Variants in ZEB2 observed in about 807,000 individuals in gnomAD.
The protein encoded by ZEB2 is zinc finger E-box binding homeobox 2.
Under a neutral mutation model 99.9 loss-of-function variants are expected in ZEB2, and 6 were observed. The observed-to-expected ratio is 0.06, with a 90% confidence interval of 0.03 to 0.12. ZEB2 has a LOEUF of 0.12. Among genes scored for constraint, ZEB2 ranks in the 10% least tolerant of loss-of-function variants. The pLI is 1.00. For missense variants in ZEB2, 969 were observed against 1,502.8 expected, an observed-to-expected ratio of 0.64 and a Z score of 5.87; for synonymous variants, 517 against 542.5, an observed-to-expected ratio of 0.95 and a Z score of 0.65.
At chr2:144,415,007 T>TC (rs1461323480) in intron 4 of ZEB2, among the ~76,000 whole-genome samples, 1 of 151,566 alleles carries the variant, frequency 6.6e-6, no homozygotes, top group Non-Finnish European at 1.5e-5. Flanking sequence ...TTTTTTTCTT[T>TC]TTTTTTTTTA....
intron 2 of ZEB2, among the ~76,000 whole-genome samples, chr2:144,471,935 T>C (rs977294866): frequency 6.6e-6 from 1 of 152,132 alleles, no homozygotes; most frequent in Non-Finnish European, 1.5e-5. Flanking sequence ...CGTAAATTAT[T>C]AACAAGTCAG....
At chr2:144,510,036 A>T (rs1170250880) in intron 2 of ZEB2, among the ~76,000 whole-genome samples, 1 of 152,024 alleles carries the variant, frequency 6.6e-6, no homozygotes, top group Non-Finnish European at 1.5e-5. Context: ...ACATACTAAA[A>T]AAATCTGAAA....
At chr2:144,431,910 T>A (rs1703776654) in intron 2 of ZEB2, among the ~76,000 whole-genome samples, 1 of 149,020 alleles carries the variant, frequency 6.7e-6, no homozygotes, top group South Asian at 2.1e-4. Context: ...TAAAAACTGA[T>A]CTCTGGGCAC....
Position 144,384,251 on chromosome 2 carries a change from T to C in ZEB2, c.*5200A>G, listed in dbSNP as rs1466740331. On this transcript the variant is annotated 3_prime_UTR_variant, in exon 10 of 10. Transcript: ENST00000627532. ...ACATGTCATGCTAGATTATAGGTAG[T>C]AGGCGACTCGTTTAATAGAGAAAGT... 6.6e-6 allele frequency: 1 copy of C among 152,166 alleles called. No homozygotes were observed. The highest frequency in any genetic ancestry group is 1.9e-4 in the East Asian group (1 of 5,202). 9.4% of individuals were successfully genotyped at this position (152,166 alleles called of 1,614,324 possible). A position where few individuals can be genotyped will look rare whatever the true frequency, so the allele number is the denominator to read the frequency against.
At chr2:144,395,377 G>A (rs1393501738) in intron 9 of ZEB2, among the ~76,000 whole-genome samples, 1 of 151,728 alleles carries the variant, frequency 6.6e-6, no homozygotes, top group Non-Finnish European at 1.5e-5. Context: ...TCCCCCCAAA[G>A]TGCTAGTTTT....
intron 2 of ZEB2, among the ~76,000 whole-genome samples, chr2:144,485,459 A>T (rs1470050781): frequency 6.6e-6 from 1 of 152,168 alleles, no homozygotes; most frequent in Non-Finnish European, 1.5e-5. Flanking sequence ...GGCTAGATGA[A>T]ATATGTGTCC....
intron 2 of ZEB2, among the ~76,000 whole-genome samples, chr2:144,469,402 GAT>G (rs1704323298): frequency 6.6e-6 from 1 of 152,104 alleles, no homozygotes; most frequent in Admixed American, 6.6e-5. Flanking sequence ...ATTTTTGACT[GAT>G]ATAAATACCA....
Position 144,388,830 on chromosome 2 carries a change from G to A in ZEB2, c.*621C>T, listed in dbSNP as rs1703115461. 1 of 446,222 alleles carries A rather than the reference G, an allele frequency of 2.2e-6. No homozygotes were observed. Among genetic ancestry groups the A allele is most frequent in the Non-Finnish European group, 4.5e-6 (1 of 220,014 alleles). 27.6% of individuals were successfully genotyped at this position (446,222 alleles called of 1,614,324 possible). ...CATCTTACTTTTTCCTTCACGTCCA[G>A]GTCACTTTAAGACTTCGGTATCTTA... On this transcript the variant is annotated 3_prime_UTR_variant, in exon 10 of 10. Transcript: ENST00000627532. This position sits in a 1 kb window ranked among gnomAD's most constrained non-coding sequence, Gnocchi z 5.4.
chr2:144,432,552 C>T (rs1481303968), intron 2 of ZEB2, among the ~76,000 whole-genome samples: 2 of 152,136 alleles, frequency 1.3e-5, no homozygotes, highest in Middle Eastern at 3.2e-3. Flanking sequence ...ATGGACTTTG[C>T]ACTTCCTGAT....
chr2:144,424,926 C>G, intron 3 of ZEB2, 59 bp from the exon 4 acceptor site: 1 of 1,549,360 alleles, frequency 6.5e-7, no homozygotes, highest in Non-Finnish European at 8.9e-7. Flanking sequence ...CTATACTAAG[C>G]ATGCCAAGCA....
At chr2:144,513,276 T>C in intron 2 of ZEB2, 1 of 1,289,814 alleles carries the variant, frequency 7.8e-7, no homozygotes, top group Non-Finnish European at 1.0e-6. Flanking sequence ...GATAACCATT[T>C]CTGCTCTTCT....
Position 144,389,362 on chromosome 2 carries a change from G to A in ZEB2, c.*89C>T. The stretch of plus-strand genomic sequence containing the variant: ...ACAGCTTCCTGGAAGCGTCAGGCAC[G>A]TGCATGAACAGCTTAACACAGCAGT... On this transcript the variant is annotated 3_prime_UTR_variant, in exon 10 of 10. Coordinates refer to ENST00000627532, the MANE Select transcript of ZEB2 (RefSeq NM_014795.4). This position sits in a 1 kb window ranked among gnomAD's most constrained non-coding sequence, Gnocchi z 6.8. The A allele has an allele frequency of 1.4e-6, 2 of 1,454,660 alleles. No individual in the cohort carries two copies. Among genetic ancestry groups the A allele is most frequent in the South Asian group, 1.1e-5 (1 of 87,808 alleles). 90.1% of individuals were successfully genotyped at this position (1,454,660 alleles called of 1,614,324 possible).
chr2:144,427,520 G>A (rs1560619733), intron 3 of ZEB2: 1 of 152,150 alleles, frequency 6.6e-6, no homozygotes, highest in African/African-American at 2.4e-5. Context: ...ACCAGAATTA[G>A]AGTTATTGTC....
rs1703283363 is a variant in ZEB2 at position 144,399,721 on chromosome 2, T to C, written c.1466A>G (p.Tyr489Cys). 1.9e-6 allele frequency: 3 copies of C among 1,614,008 alleles called. No individual in the cohort carries two copies. Among genetic ancestry groups the C allele is most frequent in the African/African-American group, 1.3e-5 (1 of 74,934 alleles). Residue 489 changes from tyrosine to cysteine, a missense_variant, in exon 8 of 10, where the codon TAT becomes TGT. By Grantham distance (194) the Tyr-to-Cys change is radical. This residue lies in a region of ZEB2 where 227 missense variants were observed against 278.2 expected (regional missense o/e 0.82). Transcript: ENST00000627532. This position sits in a 1 kb window ranked among gnomAD's most constrained non-coding sequence, Gnocchi z 5.6. Reference protein sequence around the residue: ...KAEEISKLKGYHMKDPCSQPE... With the variant: ...KAEEISKLKGCHMKDPCSQPE... ...TTGAGAGCATGGATCCTTCATGTGA[T>C]AACCTTTCAACTTTGAAATTTCTTC...
intron 2 of ZEB2, chr2:144,462,699 C>G (rs1704211539): frequency 6.6e-6 from 1 of 152,186 alleles, no homozygotes; most frequent in South Asian, 2.1e-4. Flanking sequence ...TGAAGTCTTA[C>G]TAACTTCAAT....
At chr2:144,500,769 T>A (rs999133789) in intron 2 of ZEB2, among the ~76,000 whole-genome samples, 3 of 152,126 alleles carry the variant, frequency 2.0e-5, no homozygotes, top group Non-Finnish European at 4.4e-5. Context: ...GGCTGGCAAG[T>A]CTGAAGCTTG....
At chr2:144,484,185 T>TTG (rs10529605) in intron 2 of ZEB2, among the ~76,000 whole-genome samples, 6,460 of 142,504 alleles carry the variant, frequency 0.045, 436 homozygotes, top group African/African-American at 0.14. Context: ...AAATCTGGAT[T>TTG]TGTGTGTGTG....
intron 2 of ZEB2, among the ~76,000 whole-genome samples, chr2:144,509,162 C>G (rs572850731): frequency 6.6e-6 from 1 of 152,256 alleles, no homozygotes; most frequent in African/African-American, 2.4e-5. Context: ...ATCTGCTGAG[C>G]GCAAGGGGCC....
chr2:144,384,831 C>A lies in ZEB2; in HGVS notation c.*4620G>T, dbSNP rs1414612808. On this transcript the variant is annotated 3_prime_UTR_variant, in exon 10 of 10. Transcript: ENST00000627532. ...AAAAAACCAAAGCTAAGCCTTCAGT[C>A]TGAATCTTTTTTTATGATGGGCACA... 2.0e-5 allele frequency: 3 copies of A among 152,066 alleles called. No homozygotes were observed. Among genetic ancestry groups the A allele is most frequent in the Non-Finnish European group, 2.9e-5 (2 of 67,982 alleles). The allele number at this position is 152,066 out of a possible 1,614,324, so 9.4% of individuals were successfully genotyped here.
Sources: gnomAD v4.1 joint callset for allele counts (sites outside exome capture counted in the v4.1 genomes callset) on GRCh38, gnomAD v4.1.1 for gene constraint, gnomAD v4.1.1 regional missense constraint, Gnocchi (gnomAD v3.1) non-coding constraint, MANE v1.5 for transcripts, NCBI Gene and HGNC (gene_info 2026-07-23, HGNC 2026-07-21) for gene names.